Variants in VPS41 observed in about 807,000 individuals in gnomAD.
The protein encoded by VPS41 is VPS41 subunit of HOPS complex, also known as vacuolar protein sorting-associated protein 41 homolog.
In VPS41, 85 loss-of-function variants were observed where a neutral mutation model predicts 130.9. The observed-to-expected ratio is 0.65, with a 90% confidence interval of 0.55 to 0.78. The LOEUF is 0.78. Ranked by LOEUF, VPS41 falls within the 30% of genes least tolerant of loss-of-function variation. The pLI is 0.00. For missense variants in VPS41, 874 were observed against 1,018.7 expected, an observed-to-expected ratio of 0.86 and a Z score of 1.93; for synonymous variants, 335 against 332.9, an observed-to-expected ratio of 1.01 and a Z score of -0.07.
Position 38,761,480 on chromosome 7 carries a change from T to C in VPS41, c.1422+1975A>G, listed in dbSNP as rs573922397. On this transcript the variant is annotated intron_variant, in intron 17 of 28. Coordinates refer to ENST00000310301, the MANE Select transcript of VPS41 (RefSeq NM_014396.4). ...TTTTTTTTTTAGTAGAGACGGGGTT[T>C]AACCATGTTGGCCAGGATGGTCTCC... is the stretch of plus-strand genomic sequence containing the variant. 2.7e-4 allele frequency among the ~76,000 whole-genome samples: 41 copies of C among 151,414 alleles called. 1 individual carries two copies. The South Asian group carries it at 7.9e-3, about 29-fold the overall frequency.
In VPS41 at chr7:38,896,382, G is replaced by A. The variant is rs1271670050; in HGVS notation, c.60+1709C>T. Among the ~76,000 whole-genome samples the A allele has an allele frequency of 3.9e-5, 6 of 152,310 alleles. No homozygotes were observed. In the East Asian group the frequency reaches 1.2e-3, roughly 29 times the overall value. On this transcript the variant is annotated intron_variant, in intron 2 of 28. Transcript: ENST00000310301. ...GCCTTACCAGAAGCCCCACAGTAAT[G>A]GAAATCCTTATTAATGAAAATGTTA...
rs769829319 is a variant in VPS41, at chr7:38,830,330, T to TAAAAAGA, written c.247-9_247-3dup. 1 of 1,598,534 alleles carries TAAAAAGA rather than the reference T, an allele frequency of 6.3e-7. No homozygotes were observed. The highest frequency in any genetic ancestry group is 1.3e-5 in the African/African-American group (1 of 74,598). On this transcript the variant is annotated splice_polypyrimidine_tract_variant and splice_region_variant and intron_variant, in intron 4 of 28. Coordinates refer to ENST00000310301, the MANE Select transcript of VPS41 (RefSeq NM_014396.4). ...AATCTGATTTATCTTCACAGGACTC[T>TAAAAAGA]AAAAAGAAAAAGACAAAAAGATGTG... is the stretch of plus-strand genomic sequence containing the variant.
intron 12 of VPS41, among the ~76,000 whole-genome samples, chr7:38,773,086 C>T (rs1253420951): frequency 6.6e-6 from 1 of 152,152 alleles, no homozygotes; most frequent in East Asian, 1.9e-4. Flanking sequence ...TCTACTTTTA[C>T]AGAACAATTA....
At chr7:38,852,289 T>G (rs953336486) in intron 4 of VPS41, among the ~76,000 whole-genome samples, 3 of 152,156 alleles carry the variant, frequency 2.0e-5, no homozygotes, top group African/African-American at 7.2e-5. Flanking sequence ...CGGCATCACC[T>G]CATTGCAAGA....
chr7:38,841,385 A>G (rs1336847880), intron 4 of VPS41, among the ~76,000 whole-genome samples: 2 of 152,168 alleles, frequency 1.3e-5, no homozygotes, highest in Non-Finnish European at 1.5e-5. Context: ...ATGGCTGCCT[A>G]TTTCCTTTCA....
intron 1 of VPS41, among the ~76,000 whole-genome samples, chr7:38,904,191 T>C (rs536928573): frequency 6.6e-6 from 1 of 152,246 alleles, no homozygotes; most frequent in South Asian, 2.1e-4. Flanking sequence ...GGAAGTAGCA[T>C]GAGACACAGA....
chr7:38,783,662 G>C (rs1784391662), intron 10 of VPS41, among the ~76,000 whole-genome samples: 1 of 152,104 alleles, frequency 6.6e-6, no homozygotes, highest in Admixed American at 6.5e-5. Context: ...GGAAACAGCA[G>C]CAATAATCAT....
At chr7:38,795,368 T>C in intron 9 of VPS41, 97 bp downstream of exon 9, 1 of 1,003,758 alleles carries the variant, frequency 1.0e-6, no homozygotes. Flanking sequence ...AGTGAAAAGA[T>C]TTGGGTCCTA....
At chr7:38,741,478 C>T (rs1188941852) in intron 25 of VPS41, 1 of 201,160 alleles carries the variant, frequency 5.0e-6, no homozygotes, top group African/African-American at 2.4e-5. Context: ...TTGCACTATT[C>T]TAGAAAACAG....
intron 7 of VPS41, among the ~76,000 whole-genome samples, chr7:38,810,236 AG>A (rs1784916050): frequency 6.6e-6 from 1 of 152,254 alleles, no homozygotes; most frequent in Middle Eastern, 3.4e-3. Flanking sequence ...CTAAAATAAA[AG>A]TTTATGCCAG....
Position 38,743,440 on chromosome 7 carries a change from A to G in VPS41, c.2084T>C (p.Leu695Pro). The G allele has an allele frequency of 6.2e-7, 1 of 1,614,014 alleles. No individual in the cohort carries two copies. The highest frequency in any genetic ancestry group is 2.2e-5 in the East Asian group (1 of 44,866). The change falls in exon 24 of 29, where the codon CTG (leucine) becomes CCG (proline). Residue 695 changes from leucine to proline, a missense_variant. Physicochemically the swap from Leu to Pro is moderately conservative, Grantham distance 98. Coordinates refer to ENST00000310301, the MANE Select transcript of VPS41 (RefSeq NM_014396.4). Reference sequence around the variant, plus strand: ...GGAATATAAAATCAAATCTTCCCACAGCTCTCCATCATCTTGCTCCTTGGC... The same window carrying G: ...GGAATATAAAATCAAATCTTCCCACGGCTCTCCATCATCTTGCTCCTTGGC... ...EFAKEQDDGE[L>P]WEDLILYSID...
rs545964177 is a variant in VPS41, at chr7:38,848,566, G to A, written c.246+13979C>T. 4.9e-4 allele frequency among the ~76,000 whole-genome samples: 74 copies of A among 152,254 alleles called. 2 individuals carry two copies. In the South Asian group the frequency reaches 0.015, roughly 30 times the overall value. On this transcript the variant is annotated intron_variant, in intron 4 of 28. Transcript: ENST00000310301. ...TTAGCTTGATCCACCTTCTGATAAC[G>A]ACTAATGTTTACTAAGCCTTATGTT...
At position 38,774,103 on chromosome 7, in the gene VPS41, C is replaced by T; in HGVS notation, c.1012+12G>A. 1 of 1,585,054 alleles carries T rather than the reference C, an allele frequency of 6.3e-7. No homozygotes were observed. The highest frequency in any genetic ancestry group is 2.3e-5 in the East Asian group (1 of 44,382). ...AAAAAAGCATATCAGCCAGATCTTT[C>T]ATATCTCCTACCTAAATGATAATCT... On this transcript the variant is annotated intron_variant, in intron 12 of 28. Coordinates refer to ENST00000310301, the MANE Select transcript of VPS41 (RefSeq NM_014396.4).
In VPS41 at chr7:38,821,170, C is replaced by T. The variant is rs1452288338; in HGVS notation, c.384+33G>A. 5 of 1,563,610 alleles carry T rather than the reference C, an allele frequency of 3.2e-6. No homozygotes were observed. The South Asian group carries it at 4.5e-5, about 14-fold the overall frequency. On this transcript the variant is annotated intron_variant, in intron 6 of 28. Transcript: ENST00000310301. ...TCCATATTGCCTTACTTGAGAAAAC[C>T]CTTAGAAAAAGTAAAACTTGCTGAA... is the stretch of plus-strand genomic sequence containing the variant.
At chr7:38,795,709 G>T in intron 8 of VPS41, 98 bp from the exon 9 acceptor site, 2 of 1,117,712 alleles carry the variant, frequency 1.8e-6, no homozygotes, top group South Asian at 1.7e-5. Context: ...AACCAGCACG[G>T]AGAAATATTA....
chr7:38,830,820 A>G (rs1785372837), intron 4 of VPS41, among the ~76,000 whole-genome samples: 1 of 152,196 alleles, frequency 6.6e-6, no homozygotes, highest in South Asian at 2.1e-4. Flanking sequence ...AAAATCAGCT[A>G]GCTCCTTAAA....
At chr7:38,765,258 G>A (rs1156230826) in intron 16 of VPS41, among the ~76,000 whole-genome samples, 2 of 151,990 alleles carry the variant, frequency 1.3e-5, no homozygotes, top group Non-Finnish European at 2.9e-5. Flanking sequence ...TCTAAAAAAA[G>A]TCTTATGCTT....
intron 4 of VPS41, among the ~76,000 whole-genome samples, chr7:38,834,447 T>C (rs1400483156): frequency 6.6e-6 from 1 of 152,108 alleles, no homozygotes; most frequent in Non-Finnish European, 1.5e-5. Context: ...CACACAAAAA[T>C]AGGCAAAACC....
chr7:38,795,490 A>T lies in VPS41; in HGVS notation c.692T>A (p.Ile231Asn), dbSNP rs1462466301. The change falls in exon 9 of 29, where the codon ATT (isoleucine) becomes AAT (asparagine). Residue 231 changes from isoleucine (I) to asparagine (N), a missense_variant. Ile to Asn is a moderately radical substitution (Grantham distance 149). Coordinates refer to ENST00000310301, the MANE Select transcript of VPS41 (RefSeq NM_014396.4). The stretch of plus-strand genomic sequence containing the variant: ...CTTGACAGAAGTCCCCCAGCCAATA[A>T]TCAGTGTCACATTGTCCTTCCAGCA... ...SLCWKDNVTL[I>N]IGWGTSVKVC... 2 of 1,612,612 alleles carry T rather than the reference A, an allele frequency of 1.2e-6. No homozygotes were observed. The highest frequency in any genetic ancestry group is 1.7e-6 in the Non-Finnish European group (2 of 1,179,204).
Sources: gnomAD v4.1 joint callset for allele counts (sites outside exome capture counted in the v4.1 genomes callset) on GRCh38, gnomAD v4.1.1 for gene constraint, MANE v1.5 for transcripts, NCBI Gene and HGNC (gene_info 2026-07-23, HGNC 2026-07-21) for gene names.